Variants in FYN observed in about 807,000 individuals in gnomAD.
FYN encodes tyrosine-protein kinase Fyn.
A neutral mutation model predicts 70.2 loss-of-function variants in FYN; 10 were observed. The ratio of observed to expected loss-of-function variants is 0.14; its 90% confidence interval spans 0.09 to 0.24. The LOEUF is 0.24. FYN is among the 10% of genes least tolerant of loss of function. The pLI, the probability that FYN is intolerant of heterozygous loss-of-function variation, is 1.00. For synonymous variants in FYN, 236 were observed against 248.6 expected, an observed-to-expected ratio of 0.95 and a Z score of 0.48; for missense variants, 319 against 673.1, an observed-to-expected ratio of 0.47 and a Z score of 5.82.
chr6:111,750,402 T>C (rs1802432375), intron 3 of FYN, among the ~76,000 whole-genome samples: 1 of 152,152 alleles, frequency 6.6e-6, no homozygotes, highest in South Asian at 2.1e-4. Context: ...CCTTCCGCCA[T>C]GATTGGAAGC....
At chr6:111,830,901 G>C (rs1315205499) in intron 2 of FYN, among the ~76,000 whole-genome samples, 1 of 151,154 alleles carries the variant, frequency 6.6e-6, no homozygotes, top group Non-Finnish European at 1.5e-5. Flanking sequence ...TATAAAGATG[G>C]ATTTGTAGAC....
chr6:111,693,845 T>A (rs1053321422), intron 12 of FYN, among the ~76,000 whole-genome samples: 4 of 152,072 alleles, frequency 2.6e-5, no homozygotes, highest in African/African-American at 9.7e-5. Context: ...CCCAGATCCA[T>A]CCCTGACGTC....
chr6:111,666,835 C>T lies in FYN; in HGVS notation c.1406-4888G>A, dbSNP rs149447821. On this transcript the variant is annotated intron_variant, in intron 13 of 13. Coordinates refer to ENST00000354650, the MANE Select transcript of FYN (RefSeq NM_002037.5). ...GTGACAGAGCGAGACCTTACTAGTC[C>T]GCTGTGTGGGGGTCTGCCTTCGAGT... Among the ~76,000 whole-genome samples, 461 of 152,136 alleles carry T rather than the reference C, an allele frequency of 3.0e-3. 3 individuals carry two copies. The highest frequency in any genetic ancestry group is 9.9e-3 in the African/African-American group (412 of 41,524).
intron 2 of FYN, among the ~76,000 whole-genome samples, chr6:111,791,200 G>A (rs1277829979): frequency 6.6e-6 from 1 of 152,102 alleles, no homozygotes; most frequent in Non-Finnish European, 1.5e-5. Flanking sequence ...ATTTGTGCAA[G>A]GCCAAACAGA....
At chr6:111,768,474 A>T (rs911801194) in intron 3 of FYN, among the ~76,000 whole-genome samples, 5 of 152,226 alleles carry the variant, frequency 3.3e-5, no homozygotes, top group Admixed American at 6.5e-5. Flanking sequence ...TGTAATTTGT[A>T]TACAGTAAAA....
chr6:111,773,155 G>A (rs1803516545), intron 3 of FYN, among the ~76,000 whole-genome samples: 1 of 150,576 alleles, frequency 6.6e-6, no homozygotes, highest in African/African-American at 2.4e-5. Context: ...AGAACAAATG[G>A]TGAATTTAGG....
intron 3 of FYN, among the ~76,000 whole-genome samples, chr6:111,738,705 C>T: frequency 6.6e-6 from 1 of 152,156 alleles, no homozygotes; most frequent in African/African-American, 2.4e-5. Context: ...AACACAAAGA[C>T]CTAAAGTGCC....
intron 3 of FYN, among the ~76,000 whole-genome samples, chr6:111,724,778 G>C (rs1221413037): frequency 1.3e-5 from 2 of 152,210 alleles, no homozygotes; most frequent in Non-Finnish European, 2.9e-5. Context: ...CCCTGCTTCT[G>C]ACAGCCTCCA....
At chr6:111,761,919 A>G (rs911677527) in intron 3 of FYN, among the ~76,000 whole-genome samples, 45 of 152,228 alleles carry the variant, frequency 3.0e-4, no homozygotes, top group African/African-American at 1.0e-3. Context: ...GAGACTGCTC[A>G]GCAATCCCTG....
chr6:111,802,469 A>G (rs999809026), intron 2 of FYN, among the ~76,000 whole-genome samples: 1 of 151,420 alleles, frequency 6.6e-6, no homozygotes, highest in Admixed American at 6.6e-5. Context: ...GTCTCGCTCT[A>G]TTGCCCAGGC....
intron 1 of FYN, among the ~76,000 whole-genome samples, chr6:111,853,117 T>C (rs1773730321): frequency 1.2e-5 from 1 of 85,444 alleles, no homozygotes; most frequent in African/African-American, 1.3e-4. Flanking sequence ...TAAAAAGTCT[T>C]CATCTAATGT....
At chr6:111,742,136 G>A (rs1375718937) in intron 3 of FYN, among the ~76,000 whole-genome samples, 1 of 152,166 alleles carries the variant, frequency 6.6e-6, no homozygotes, top group Admixed American at 6.5e-5. Context: ...CATTGTGCGG[G>A]ATGGTCTACA....
intron 12 of FYN, among the ~76,000 whole-genome samples, chr6:111,674,902 A>G (rs1798465199): frequency 6.6e-6 from 1 of 152,136 alleles, no homozygotes. Flanking sequence ...AATTATATAT[A>G]TATTTAACTT....
intron 2 of FYN, among the ~76,000 whole-genome samples, chr6:111,816,348 G>A (rs528462259): frequency 3.9e-5 from 6 of 152,130 alleles, no homozygotes; most frequent in South Asian, 4.2e-4. Flanking sequence ...ATAGTTACAC[G>A]ATGCTAAAAC....
intron 3 of FYN, among the ~76,000 whole-genome samples, chr6:111,761,680 G>C (rs994523106): frequency 1.3e-5 from 2 of 152,110 alleles, no homozygotes; most frequent in African/African-American, 4.8e-5. Flanking sequence ...AGAGCCTTCC[G>C]GGGCGACAAC....
At chr6:111,735,252 G>A (rs140516409) in intron 3 of FYN, among the ~76,000 whole-genome samples, 1 of 152,324 alleles carries the variant, frequency 6.6e-6, no homozygotes, top group Non-Finnish European at 1.5e-5. Context: ...CAGGCTCCCT[G>A]CTCAAAAGGA....
chr6:111,760,000 C>G (rs1255638024), intron 3 of FYN: 1 of 145,126 alleles, frequency 6.9e-6, no homozygotes, highest in Non-Finnish European at 1.5e-5. Context: ...TTTTTTTTTT[C>G]TGGGCCTCTG....
chr6:111,699,975 T>A (rs1374617850), intron 9 of FYN, 129 bp downstream of exon 9: 4 of 656,456 alleles, frequency 6.1e-6, no homozygotes, highest in Non-Finnish European at 9.5e-6. Context: ...ACTGAAATTA[T>A]TATTCCCCAC....
chr6:111,770,145 T>G (rs2128499052), intron 3 of FYN, among the ~76,000 whole-genome samples: 1 of 152,324 alleles, frequency 6.6e-6, no homozygotes, highest in Admixed American at 6.5e-5. Context: ...TCAAGTGGCT[T>G]GTACAAATTG....
Sources: allele counts gnomAD v4.1 joint callset (sites outside exome capture counted in the v4.1 genomes callset), GRCh38; gene constraint gnomAD v4.1.1; transcripts MANE v1.5; gene names NCBI Gene and HGNC (gene_info 2026-07-23, HGNC 2026-07-21).